PHF14: variants seen among roughly 807,000 people sequenced by gnomAD.
PHF14 encodes PHD finger protein 14.
A neutral mutation model predicts 117.9 loss-of-function variants in PHF14; 55 were observed. The observed-to-expected ratio is 0.47, with a 90% CI of 0.38 to 0.58. The LOEUF is 0.58. Ranked by LOEUF, PHF14 falls within the 20% of genes least tolerant of loss-of-function variation. The pLI is 0.00. For synonymous variants in PHF14, 409 were observed against 368.6 expected (o/e 1.11, Z -1.26); for missense variants, 978 against 1,122.2 (o/e 0.87, Z 1.84).
intron 16 of PHF14, among the ~76,000 whole-genome samples, chr7:11,064,677 TTGTGAA>T (rs896902923): frequency 6.6e-6 from 1 of 152,056 alleles, no homozygotes; most frequent in African/African-American, 2.4e-5. Flanking sequence ...ATGTGTTTAC[TTGTGAA>T]TTTATATGTA....
chr7:11,082,073 G>T (rs1244255218), intron 16 of PHF14, among the ~76,000 whole-genome samples: 1 of 152,080 alleles, frequency 6.6e-6, no homozygotes, highest in Admixed American at 6.6e-5. Flanking sequence ...TTTGAGTGCA[G>T]TGGCTCACGC....
chr7:10,974,457 C>T (rs1265819927), intron 1 of PHF14, 133 bp downstream of exon 1: 2 of 790,272 alleles, frequency 2.5e-6, no homozygotes, highest in Non-Finnish European at 4.3e-6. Context: ...CCTCCATGGT[C>T]CGCGGGAATG....
At chr7:11,164,902 C>G (rs1459353408) in intron 17 of PHF14, among the ~76,000 whole-genome samples, 13 of 152,182 alleles carry the variant, frequency 8.5e-5, no homozygotes, top group Admixed American at 8.5e-4. Flanking sequence ...TGTGATAGTT[C>G]CAAGTCTTGT....
chr7:10,994,266 C>T (rs774322383), intron 4 of PHF14, among the ~76,000 whole-genome samples: 2 of 151,836 alleles, frequency 1.3e-5, no homozygotes, highest in Admixed American at 6.6e-5. Flanking sequence ...GGTGAAACCC[C>T]ATCTCTACTA....
At chr7:11,147,508 C>G (rs1375052565) in intron 17 of PHF14, among the ~76,000 whole-genome samples, 1 of 152,188 alleles carries the variant, frequency 6.6e-6, no homozygotes, top group Non-Finnish European at 1.5e-5. Context: ...GTTAATGTCA[C>G]TTACAATCTC....
intron 16 of PHF14, chr7:11,062,989 T>C: frequency 1.2e-6 from 1 of 846,026 alleles, no homozygotes. Flanking sequence ...AATAAACATA[T>C]TGATAAAACA....
At chr7:11,074,028 G>C (rs917595508) in intron 16 of PHF14, among the ~76,000 whole-genome samples, 27 of 152,066 alleles carry the variant, frequency 1.8e-4, no homozygotes, top group African/African-American at 6.3e-4. Flanking sequence ...TTTTCTCTTA[G>C]ACCTCTGGGC....
At chr7:11,093,321 T>G (rs1786716354) in intron 16 of PHF14, among the ~76,000 whole-genome samples, 1 of 152,210 alleles carries the variant, frequency 6.6e-6, no homozygotes, top group Non-Finnish European at 1.5e-5. Context: ...CATCATGAGT[T>G]GAACAGTAGA....
Position 11,111,448 on chromosome 7 carries a change from G to A in PHF14, c.2753G>A (p.Cys918Tyr). The change falls in exon 17 of 18, where the codon TGT becomes TAT. Residue 918 changes from cysteine to tyrosine, a missense_variant. Coordinates refer to ENST00000634607, the MANE Select transcript of PHF14 (RefSeq NM_001007157.2). Reference protein sequence around the residue: ...QTGYGWICQECDSSSSKEDEN... With the variant: ...QTGYGWICQEYDSSSSKEDEN... The stretch of plus-strand genomic sequence containing the variant: ...GGCTACGGATGGATATGTCAGGAAT[G>A]TGATTCTTCATCTTCCAAGGTAAGG... 1.3e-6 allele frequency: 2 copies of A among 1,582,564 alleles called. No individual in the cohort carries two copies. Among genetic ancestry groups the A allele is most frequent in the Non-Finnish European group, 1.7e-6 (2 of 1,154,268 alleles).
intron 6 of PHF14, among the ~76,000 whole-genome samples, chr7:11,025,835 G>A (rs1237874468): frequency 5.3e-5 from 8 of 151,934 alleles, no homozygotes; most frequent in Admixed American, 3.9e-4. Flanking sequence ...TGCCAGGCTG[G>A]GTGCGGTGGC....
intron 16 of PHF14, among the ~76,000 whole-genome samples, chr7:11,068,887 G>T (rs1036744889): frequency 6.6e-6 from 1 of 152,042 alleles, no homozygotes; most frequent in African/African-American, 2.4e-5. Flanking sequence ...TACTCAGATA[G>T]TCTTTATTTT....
chr7:11,121,909 C>G (rs190049436), intron 17 of PHF14, among the ~76,000 whole-genome samples: 2 of 151,476 alleles, frequency 1.3e-5, no homozygotes, highest in African/African-American at 4.9e-5. Context: ...AGGTTTGTTC[C>G]GTAGGTATAC....
chr7:11,097,984 T>G (rs1323401337), intron 16 of PHF14, among the ~76,000 whole-genome samples: 1 of 152,116 alleles, frequency 6.6e-6, no homozygotes, highest in East Asian at 1.9e-4. Flanking sequence ...TATTACCTGA[T>G]TTTTCTGTAA....
At chr7:11,005,621 G>C (rs942082109) in intron 4 of PHF14, among the ~76,000 whole-genome samples, 7 of 152,066 alleles carry the variant, frequency 4.6e-5, no homozygotes, top group African/African-American at 1.4e-4. Flanking sequence ...TCTCATGTCA[G>C]TGTATGTGGG....
At chr7:10,993,786 A>G (rs1246587350) in intron 4 of PHF14, among the ~76,000 whole-genome samples, 3 of 151,302 alleles carry the variant, frequency 2.0e-5, no homozygotes, top group Admixed American at 2.0e-4. Flanking sequence ...AGGCAAGCGG[A>G]TCACCTGAGG....
At chr7:11,013,570 A>C (rs1343474250) in intron 4 of PHF14, among the ~76,000 whole-genome samples, 177 bp from the exon 5 acceptor site, 1 of 152,222 alleles carries the variant, frequency 6.6e-6, no homozygotes, top group African/African-American at 2.4e-5. Context: ...TGTGTATACT[A>C]CATTAGGTGA....
intron 4 of PHF14, among the ~76,000 whole-genome samples, chr7:11,007,799 T>A (rs1783179095): frequency 6.6e-6 from 1 of 152,214 alleles, no homozygotes. Context: ...TTTTGAGAAA[T>A]ATGCTTATTC....
chr7:11,072,575 C>T (rs1453742845), intron 16 of PHF14, among the ~76,000 whole-genome samples: 2 of 151,944 alleles, frequency 1.3e-5, no homozygotes, highest in Admixed American at 6.6e-5. Flanking sequence ...TAAGTAATAC[C>T]GTACAAGTAA....
intron 4 of PHF14, among the ~76,000 whole-genome samples, chr7:10,996,700 G>C (rs1226056923): frequency 6.6e-6 from 1 of 152,184 alleles, no homozygotes; most frequent in South Asian, 2.1e-4. Context: ...ACTCATTTAG[G>C]CTGGGGTTTA....
Sources: allele counts gnomAD v4.1 joint callset (sites outside exome capture counted in the v4.1 genomes callset), GRCh38; gene constraint gnomAD v4.1.1; transcripts MANE v1.5; gene names NCBI Gene and HGNC (gene_info 2026-07-23, HGNC 2026-07-21).